The following NCAM2 variants were observed in gnomAD, a reference collection of about 807,000 sequenced individuals.
NCAM2 encodes N-CAM-2.
Under a neutral mutation model 98.1 loss-of-function variants are expected in NCAM2, and 30 were observed. That is an observed-to-expected ratio of 0.31 (90% CI 0.23 to 0.41). NCAM2 has a LOEUF of 0.41. Among genes scored for constraint, NCAM2 ranks in the 10% least tolerant of loss-of-function variants. The pLI is 1.00. For synonymous variants in NCAM2, 368 were observed against 342.4 expected (o/e 1.07, Z -0.83); for missense variants, 867 against 1,005.8 (o/e 0.86, Z 1.87).
chr21:21,135,869 T>C (rs1184108051), intron 1 of NCAM2, among the ~76,000 whole-genome samples: 2 of 152,212 alleles, frequency 1.3e-5, no homozygotes, highest in Non-Finnish European at 2.9e-5. Context: ...ATGGATTCCA[T>C]GTTCCCAGCC....
intron 16 of NCAM2, among the ~76,000 whole-genome samples, chr21:21,527,379 T>G (rs927481725): frequency 7.2e-5 from 11 of 152,186 alleles, no homozygotes; most frequent in African/African-American, 2.2e-4. Context: ...AATTAAAAAT[T>G]TATGCTCTGC....
chr21:21,222,889 C>A (rs1417668151), intron 1 of NCAM2, among the ~76,000 whole-genome samples: 1 of 152,102 alleles, frequency 6.6e-6, no homozygotes, highest in East Asian at 1.9e-4. Flanking sequence ...TTTTGTGAAA[C>A]AAAGAGGCAA....
chr21:21,091,317 C>T (rs1342736159), intron 1 of NCAM2, among the ~76,000 whole-genome samples: 1 of 152,068 alleles, frequency 6.6e-6, no homozygotes, highest in Non-Finnish European at 1.5e-5. Flanking sequence ...ACACAACCTA[C>T]TTCTGGGTTA....
intron 1 of NCAM2, among the ~76,000 whole-genome samples, chr21:21,176,908 G>A (rs2155799): frequency 0.8 from 121,291 of 151,458 alleles, 51,592 homozygotes; most frequent in Non-Finnish European, 0.96. Flanking sequence ...AACAACAAAG[G>A]CTGGAAGTTG....
At chr21:21,252,146 T>C (rs918202311) in intron 1 of NCAM2, among the ~76,000 whole-genome samples, 1 of 152,032 alleles carries the variant, frequency 6.6e-6, no homozygotes, top group Non-Finnish European at 1.5e-5. Context: ...AAAACCACAA[T>C]GAGATACCAT....
intron 14 of NCAM2, among the ~76,000 whole-genome samples, chr21:21,475,563 C>T (rs1985059158): frequency 6.6e-6 from 1 of 152,134 alleles, no homozygotes; most frequent in Non-Finnish European, 1.5e-5. Flanking sequence ...AGGTTTCTTT[C>T]TTAACCTTAC....
chr21:21,501,754 A>G (rs949852536), intron 15 of NCAM2, among the ~76,000 whole-genome samples: 4 of 151,968 alleles, frequency 2.6e-5, no homozygotes, highest in Non-Finnish European at 5.9e-5. Context: ...CACACCAGAA[A>G]TGCAATCAAA....
intron 1 of NCAM2, among the ~76,000 whole-genome samples, chr21:21,032,962 GA>G (rs59814739): frequency 0.76 from 107,543 of 141,140 alleles, 38,930 homozygotes; most frequent in Admixed American, 0.82. Context: ...TTTTTTTTTT[GA>G]GACAGAGTTT....
intron 1 of NCAM2, among the ~76,000 whole-genome samples, chr21:21,087,732 C>A (rs762779167): frequency 1.3e-5 from 2 of 152,128 alleles, no homozygotes; most frequent in Non-Finnish European, 2.9e-5. Context: ...GCATAAGGTA[C>A]TAAGGATGCG....
chr21:21,329,770 G>A, intron 6 of NCAM2, among the ~76,000 whole-genome samples: 1 of 152,044 alleles, frequency 6.6e-6, no homozygotes, highest in East Asian at 1.9e-4. Flanking sequence ...AAAATTGCCA[G>A]TGAAACCATC....
rs78211786 is a variant in NCAM2 at position 21,074,826 on chromosome 21, T to A, written c.55+76208T>A. 3.9e-5 allele frequency among the ~76,000 whole-genome samples: 6 copies of A among 151,944 alleles called. No homozygotes were observed. In the East Asian group the frequency reaches 1.2e-3, roughly 29 times the overall value. The stretch of plus-strand genomic sequence containing the variant: ...GGAAACTATGAAGGTCATGTCTCTG[T>A]TGATGGTGGTGATGGTTTTATGTGT... On this transcript the variant is annotated intron_variant, in intron 1 of 17. Transcript: ENST00000400546.
At chr21:21,254,562 A>G (rs575641731) in intron 1 of NCAM2, among the ~76,000 whole-genome samples, 1 of 152,308 alleles carries the variant, frequency 6.6e-6, no homozygotes, top group East Asian at 1.9e-4. Context: ...ATTTTGAAAA[A>G]AGGTGAACTT....
At chr21:21,462,769 A>G (rs1431403215) in intron 12 of NCAM2, among the ~76,000 whole-genome samples, 1 of 152,116 alleles carries the variant, frequency 6.6e-6, no homozygotes, top group East Asian at 1.9e-4. Flanking sequence ...GCAGGAAACT[A>G]GATTCTATAG....
chr21:21,496,425 C>T (rs574666467), intron 15 of NCAM2, among the ~76,000 whole-genome samples: 13 of 151,876 alleles, frequency 8.6e-5, no homozygotes, highest in South Asian at 2.1e-4. Flanking sequence ...TTTTGAGAAG[C>T]GTCTGTCCAT....
chr21:21,488,954 A>G (rs1157946825), intron 15 of NCAM2, among the ~76,000 whole-genome samples: 4 of 151,858 alleles, frequency 2.6e-5, no homozygotes, highest in African/African-American at 7.2e-5. Flanking sequence ...AGTCCAATTT[A>G]ATTATGTTTT....
At chr21:21,293,701 TTATTG>T (rs1176745855) in intron 5 of NCAM2, among the ~76,000 whole-genome samples, 5 of 151,868 alleles carry the variant, frequency 3.3e-5, no homozygotes, top group Non-Finnish European at 7.4e-5. Context: ...CTCTTTCTCT[TTATTG>T]TATACAATAA....
In NCAM2 at chr21:21,472,072, A is replaced by G. The variant is rs78769776; in HGVS notation, c.1896+3289A>G. 3.0e-3 allele frequency among the ~76,000 whole-genome samples: 456 copies of G among 152,196 alleles called. 3 individuals are homozygous for G. The highest frequency in any genetic ancestry group is 0.011 in the African/African-American group (439 of 41,558). ...GTACTTATAGTGTCAATGTAACTTC[A>G]TATAATTTAGTACATAGATTTTTAC... On this transcript the variant is annotated intron_variant, in intron 14 of 17. Coordinates refer to ENST00000400546, the MANE Select transcript of NCAM2 (RefSeq NM_004540.5).
chr21:21,280,552 T>C (rs377671881), intron 1 of NCAM2, 26 bp from the exon 2 acceptor site: 23 of 1,515,770 alleles, frequency 1.5e-5, no homozygotes, highest in Non-Finnish European at 2.0e-5. Flanking sequence ...AAAATCACCA[T>C]TAATTGTTTC....
intron 1 of NCAM2, among the ~76,000 whole-genome samples, chr21:21,128,348 C>G (rs1213666794): frequency 6.6e-6 from 1 of 151,884 alleles, no homozygotes; most frequent in Non-Finnish European, 1.5e-5. Context: ...GGAAATTTGT[C>G]TAAGGGTTGT....
Sources: gnomAD v4.1 joint callset for allele counts (sites outside exome capture counted in the v4.1 genomes callset) on GRCh38, gnomAD v4.1.1 for gene constraint, MANE v1.5 for transcripts, NCBI Gene and HGNC (gene_info 2026-07-23, HGNC 2026-07-21) for gene names.